TNFRSF1B: variants seen among roughly 807,000 people sequenced by gnomAD.
TNFRSF1B encodes the protein TNF receptor superfamily member 1B, also known as tumor necrosis factor receptor superfamily member 1B.
In TNFRSF1B, 19 loss-of-function variants were observed where a neutral mutation model predicts 44.6. The observed-to-expected ratio is 0.43, with a 90% CI of 0.30 to 0.62. The LOEUF (loss-of-function observed/expected upper bound fraction) is 0.62. TNFRSF1B is among the 20% of genes least tolerant of loss of function. TNFRSF1B has a pLI of 0.16. For synonymous variants in TNFRSF1B, 252 were observed against 261.1 expected (o/e 0.97, Z 0.34); for missense variants, 541 against 619.9 (o/e 0.87, Z 1.35).
chr1:12,191,873 T>A lies in TNFRSF1B; in HGVS notation c.407T>A (p.Leu136Gln). 6.2e-7 allele frequency: 1 copy of A among 1,611,280 alleles called. No homozygotes were observed. Residue 136 changes from leucine to glutamine, a missense_variant, in exon 4 of 10, where the codon CTG becomes CAG. Physicochemically the swap from Leu to Gln is moderately radical, Grantham distance 113. Coordinates refer to ENST00000376259, the MANE Select transcript of TNFRSF1B (RefSeq NM_001066.3). ...CALSKQEGCR[L>Q]CAPLRKCRPG... Reference sequence around the variant, plus strand: ...CTGAGCAAGCAGGAGGGGTGCCGGCTGTGCGCGCCGCTGCGCAAGTGCCGC... The same window carrying A: ...CTGAGCAAGCAGGAGGGGTGCCGGCAGTGCGCGCCGCTGCGCAAGTGCCGC...
At chr1:12,191,463 G>A (rs146086357) in intron 3 of TNFRSF1B, among the ~76,000 whole-genome samples, 54 of 151,982 alleles carry the variant, frequency 3.6e-4, no homozygotes, top group African/African-American at 1.2e-3. Context: ...GAGCAGGACT[G>A]CAGGGAGGAG....
rs370374075 is a variant in TNFRSF1B at position 12,180,412 on chromosome 1, C to T, written c.79-8384C>T. 1.1e-4 allele frequency among the ~76,000 whole-genome samples: 17 copies of T among 152,332 alleles called. No homozygotes were observed. Among genetic ancestry groups the T allele is most frequent in the African/African-American group, 3.6e-4 (15 of 41,570 alleles). On this transcript the variant is annotated intron_variant, in intron 1 of 9. Transcript: ENST00000376259. The surrounding 1 kb of genome is among the most constrained non-coding windows in gnomAD (Gnocchi z 4.3). ...GGCCTCCCTTCTTTCCTTCCTCTCT[C>T]GCTATTTATAAATAAGAGAAGGCAT...
intron 1 of TNFRSF1B, among the ~76,000 whole-genome samples, chr1:12,176,535 CA>C (rs2101082649): frequency 6.6e-6 from 1 of 152,258 alleles, no homozygotes; most frequent in African/African-American, 2.4e-5. Context: ...TATTTAAAAA[CA>C]AAACAAAACC....
chr1:12,203,388 T>C (rs1288682929), intron 9 of TNFRSF1B, among the ~76,000 whole-genome samples: 1 of 151,946 alleles, frequency 6.6e-6, no homozygotes, highest in Non-Finnish European at 1.5e-5. Context: ...CACGCAGCCC[T>C]CCTCCAGCTC....
At chr1:12,174,756 G>A (rs1322662146) in intron 1 of TNFRSF1B, among the ~76,000 whole-genome samples, 1 of 152,228 alleles carries the variant, frequency 6.6e-6, no homozygotes, top group Non-Finnish European at 1.5e-5. Flanking sequence ...TTGGACACTA[G>A]TGGGCATGTT....
chr1:12,200,521 T>C (rs1315035186), intron 8 of TNFRSF1B, among the ~76,000 whole-genome samples: 2 of 152,188 alleles, frequency 1.3e-5, no homozygotes, highest in Non-Finnish European at 2.9e-5. Context: ...AGAAAGCAGC[T>C]ACATGCATAG....
chr1:12,178,333 CG>C lies in TNFRSF1B; in HGVS notation c.79-10460del, dbSNP rs17883584. On this transcript the variant is annotated intron_variant, in intron 1 of 9. Coordinates refer to ENST00000376259, the MANE Select transcript of TNFRSF1B (RefSeq NM_001066.3). This position sits in a 1 kb window ranked among gnomAD's most constrained non-coding sequence, Gnocchi z 4.3. The stretch of plus-strand genomic sequence containing the variant: ...GGTGACACTGAGCTCTTTCCACTGC[CG>C]GGCACGGTGCCAAGCACGCCACGTA... 0.022 allele frequency among the ~76,000 whole-genome samples: 3,394 copies of C among 152,286 alleles called. 46 individuals are homozygous for C. The highest frequency in any genetic ancestry group is 0.035 in the Non-Finnish European group (2,365 of 68,034).
intron 1 of TNFRSF1B, among the ~76,000 whole-genome samples, chr1:12,183,682 ATC>A (rs1553163414): frequency 8.0e-6 from 1 of 124,692 alleles, no homozygotes; most frequent in Non-Finnish European, 1.8e-5. Context: ...CTATCTATCT[ATC>A]TATCTATCTA....
rs77315368 is a variant in TNFRSF1B, at chr1:12,197,708, C to T, written c.900+3090C>T. Among the ~76,000 whole-genome samples, 71 of 152,302 alleles carry T rather than the reference C, an allele frequency of 4.7e-4. No homozygotes were observed. In the East Asian group the frequency reaches 0.014, roughly 29 times the overall value. ...CCAGCAGCTACTCCTGATAAGAGGC[C>T]AGTGGAGAGTCCTCTTGAGCTGGGC... On this transcript the variant is annotated intron_variant, in intron 8 of 9. Coordinates refer to ENST00000376259, the MANE Select transcript of TNFRSF1B (RefSeq NM_001066.3).
rs1048639316 is a variant in TNFRSF1B, at chr1:12,209,059, C to G, written c.*2039C>G. The G allele has an allele frequency of 6.6e-6, 1 of 152,250 alleles. No homozygotes were observed. The highest frequency in any genetic ancestry group is 2.4e-5 in the African/African-American group (1 of 41,428). 9.4% of individuals were successfully genotyped at this position (152,250 alleles called of 1,614,324 possible). A position where few individuals can be genotyped will look rare whatever the true frequency, so the allele number is the denominator to read the frequency against. Reference sequence around the variant, plus strand: ...CCCTGGTGGACAGTCCTGGGAGAACCTCAGGCTTCCTTGGCATCACAGGGC... The same window carrying G: ...CCCTGGTGGACAGTCCTGGGAGAACGTCAGGCTTCCTTGGCATCACAGGGC... On this transcript the variant is annotated 3_prime_UTR_variant, in exon 10 of 10. Coordinates refer to ENST00000376259, the MANE Select transcript of TNFRSF1B (RefSeq NM_001066.3).
chr1:12,194,453 T>C (rs1305370709), intron 7 of TNFRSF1B, 131 bp from the exon 8 acceptor site: 1 of 894,534 alleles, frequency 1.1e-6, no homozygotes, highest in East Asian at 2.5e-5. Flanking sequence ...GTGGACCTTG[T>C]CTGGTAGGCG....
chr1:12,183,446 TTCTC>T (rs33995912), intron 1 of TNFRSF1B, among the ~76,000 whole-genome samples: 353 of 146,596 alleles, frequency 2.4e-3, no homozygotes, highest in Admixed American at 3.9e-3. Context: ...CTTTTATCTA[TTCTC>T]TCTCTCTCTC....
In TNFRSF1B at chr1:12,188,889, T is replaced by C. The variant is rs2101102000; in HGVS notation, c.172T>C (p.Ser58Pro). ...QTAQMCCSKCSPGQHAKVFCT... is the reference protein window; with the variant it reads ...QTAQMCCSKCPPGQHAKVFCT... Reference sequence around the variant, plus strand: ...AGCTCAGATGTGCTGCAGCAAATGCTCGCCGGGTGAGGGCAGCCACGGGGG... The same window carrying C: ...AGCTCAGATGTGCTGCAGCAAATGCCCGCCGGGTGAGGGCAGCCACGGGGG... Residue 58 changes from serine (S) to proline (P), a missense_variant, in exon 2 of 10, where the codon TCG becomes CCG. Coordinates refer to ENST00000376259, the MANE Select transcript of TNFRSF1B (RefSeq NM_001066.3). 1 of 1,613,140 alleles carries C rather than the reference T, an allele frequency of 6.2e-7. No individual in the cohort carries two copies. Among genetic ancestry groups the C allele is most frequent in the Non-Finnish European group, 8.5e-7 (1 of 1,179,704 alleles).
At chr1:12,201,876 A>G in intron 8 of TNFRSF1B, 91 bp from the exon 9 acceptor site, 1 of 1,469,530 alleles carries the variant, frequency 6.8e-7, no homozygotes, top group South Asian at 1.3e-5. Flanking sequence ...TGCTGATGGC[A>G]GGAGGTGTGG....
chr1:12,199,529 G>A lies in TNFRSF1B; in HGVS notation c.901-2438G>A, dbSNP rs1333695255. ...GCACGAGATCCCTCCAGTCCTGAGT[G>A]AGAGGCTGTGGCCTTGGGGAATTAA... On this transcript the variant is annotated intron_variant, in intron 8 of 9. Coordinates refer to ENST00000376259, the MANE Select transcript of TNFRSF1B (RefSeq NM_001066.3). This position sits in a 1 kb window ranked among gnomAD's most constrained non-coding sequence, Gnocchi z 4.0. Among the ~76,000 whole-genome samples the A allele has an allele frequency of 6.6e-6, 1 of 152,252 alleles. No individual in the cohort carries two copies. Among genetic ancestry groups the A allele is most frequent in the Non-Finnish European group, 1.5e-5 (1 of 68,046 alleles).
Position 12,169,604 on chromosome 1 carries a change from C to T in TNFRSF1B, c.78+2435C>T, listed in dbSNP as rs1258988520. On this transcript the variant is annotated intron_variant, in intron 1 of 9. Transcript: ENST00000376259. The surrounding 1 kb of genome is among the most constrained non-coding windows in gnomAD (Gnocchi z 4.5). ...AGTGGGTTCTCAGGATGGAAGTCAA[C>T]TGAGCTGCAGAAGAAGCCCCCAGGA... Among the ~76,000 whole-genome samples, 4 of 152,258 alleles carry T rather than the reference C, an allele frequency of 2.6e-5. No individual in the cohort carries two copies. Among genetic ancestry groups the T allele is most frequent in the Admixed American group, 6.5e-5 (1 of 15,288 alleles).
At chr1:12,201,471 T>TAA (rs79883375) in intron 8 of TNFRSF1B, among the ~76,000 whole-genome samples, 5,817 of 126,558 alleles carry the variant, frequency 0.046, 130 homozygotes, top group Non-Finnish European at 0.052. Flanking sequence ...CTTTATAGAG[T>TAA]AAAAAAAAAA....
chr1:12,183,702 A>AGCTATCTAGCTAT (rs1638882831), intron 1 of TNFRSF1B, among the ~76,000 whole-genome samples: 2 of 125,884 alleles, frequency 1.6e-5, no homozygotes, highest in African/African-American at 5.7e-5. Context: ...CTATCTATCT[A>AGCTATCTAGCTAT]TCTATCTATT....
intron 1 of TNFRSF1B, among the ~76,000 whole-genome samples, chr1:12,172,845 T>C (rs772995050): frequency 6.6e-6 from 1 of 152,032 alleles, no homozygotes; most frequent in African/African-American, 2.4e-5. Context: ...TGGGGATGAG[T>C]GAAGGGTACA....
Sources: allele counts gnomAD v4.1 joint callset (sites outside exome capture counted in the v4.1 genomes callset), GRCh38; gene constraint gnomAD v4.1.1; non-coding constraint Gnocchi (gnomAD v3.1); transcripts MANE v1.5; gene names NCBI Gene and HGNC (gene_info 2026-07-23, HGNC 2026-07-21).